Variants in MACF1 observed in about 807,000 individuals in gnomAD.
MACF1 encodes the protein microtubule actin crosslinking factor 1.
A neutral mutation model predicts 854.8 loss-of-function variants in MACF1; 193 were observed. That is an observed-to-expected ratio of 0.23 (90% CI 0.20 to 0.25). The LOEUF (loss-of-function observed/expected upper bound fraction) is 0.25. Ranked by LOEUF, MACF1 falls within the 10% of genes least tolerant of loss-of-function variation. The pLI, the probability that MACF1 is intolerant of heterozygous loss-of-function variation, is 1.00. For missense variants in MACF1, 7,722 were observed against 8,929.1 expected (o/e 0.86, Z 5.45); for synonymous variants, 3,185 against 3,226.7 (o/e 0.99, Z 0.44).
chr1:39,269,186 G>A (rs779458382), intron 6 of MACF1: 2 of 1,289,996 alleles, frequency 1.6e-6, no homozygotes, highest in Admixed American at 4.6e-5. Context: ...TGAGCCAACT[G>A]GTGGAATTTC....
At chr1:39,424,220 T>C in intron 61 of MACF1, 26 bp downstream of exon 61, 1 of 1,604,106 alleles carries the variant, frequency 6.2e-7, no homozygotes. Flanking sequence ...TTTTGAGGAG[T>C]GGGTCAGAGG....
chr1:39,284,989 G>A, intron 11 of MACF1, 94 bp from the exon 12 acceptor site: 1 of 1,496,186 alleles, frequency 6.7e-7, no homozygotes, highest in East Asian at 2.3e-5. Flanking sequence ...TGAATGGCTG[G>A]GTAAAGAAGC....
At chr1:39,410,395 A>T in intron 58 of MACF1, 1 of 1,614,066 alleles carries the variant, frequency 6.2e-7, no homozygotes, top group East Asian at 2.2e-5. Context: ...TACGATGAGG[A>T]TAAATGAGCA....
intron 6 of MACF1, among the ~76,000 whole-genome samples, chr1:39,268,044 C>G (rs1006315408): frequency 2.6e-5 from 4 of 152,218 alleles, no homozygotes; most frequent in Admixed American, 1.3e-4. Flanking sequence ...TTGATATTTT[C>G]TTTTGGGCAT....
At chr1:39,388,869 CTTCTTT>C (rs1641904979) in intron 58 of MACF1, among the ~76,000 whole-genome samples, 2 of 120,076 alleles carry the variant, frequency 1.7e-5, no homozygotes, top group African/African-American at 7.8e-5. Context: ...TCTTCTTCTT[CTTCTTT>C]TTTTTTTTTT....
intron 2 of MACF1, chr1:39,102,655 A>T (rs941717387): frequency 1.2e-5 from 8 of 648,540 alleles, no homozygotes; most frequent in Non-Finnish European, 2.2e-5. Flanking sequence ...GGAGGACACC[A>T]AGGATAAAGG....
At chr1:39,323,831 T>C (rs1314776574) in intron 33 of MACF1, among the ~76,000 whole-genome samples, 2 of 152,226 alleles carry the variant, frequency 1.3e-5, no homozygotes, top group African/African-American at 4.8e-5. Context: ...CTCAGTAGGC[T>C]TCAGTCTCTT....
chr1:39,465,028 A>G, intron 94 of MACF1, 67 bp from the exon 95 acceptor site: 1 of 1,409,822 alleles, frequency 7.1e-7, no homozygotes. Context: ...TTTAGTGTTA[A>G]TTTGACAAAA....
At chr1:39,326,680 C>CAAAAAAA (rs57108021) in intron 35 of MACF1, among the ~76,000 whole-genome samples, 1 of 72,748 alleles carries the variant, frequency 1.4e-5, no homozygotes. Context: ...GACTCCATCT[C>CAAAAAAA]AAAAAAAAAA....
intron 2 of MACF1, among the ~76,000 whole-genome samples, chr1:39,171,111 A>G (rs1439942020): frequency 6.6e-6 from 1 of 152,086 alleles, no homozygotes; most frequent in Non-Finnish European, 1.5e-5. Flanking sequence ...GTCCAACAGC[A>G]ATGAAGTCCC....
rs779181494 is a variant in MACF1, at chr1:39,333,462, T to C, written c.6874T>C (p.Leu2292=). ...TACCTTAAATGTATTATCTGCACAG[T>C]TACTAGATGGTGGTATCTTTCATGA... is the stretch of plus-strand genomic sequence containing the variant. ...EATLNVLSAQ[L]LDGGIFHEQT... Residue 2292 remains leucine (L), a synonymous_variant, in exon 37 of 101, where the codon TTA becomes CTA. Transcript: ENST00000564288. The C allele has an allele frequency of 4.3e-6, 7 of 1,614,146 alleles. No individual in the cohort carries two copies. The highest frequency in any genetic ancestry group is 5.9e-6 in the Non-Finnish European group (7 of 1,180,006).
chr1:39,466,561 C>G (rs1156270355), intron 95 of MACF1, among the ~76,000 whole-genome samples: 1 of 152,188 alleles, frequency 6.6e-6, no homozygotes, highest in Non-Finnish European at 1.5e-5. Flanking sequence ...ATACTCCCTG[C>G]CTCTCACCCA....
At chr1:39,239,575 G>C (rs1644898585) in intron 2 of MACF1, among the ~76,000 whole-genome samples, 1 of 152,172 alleles carries the variant, frequency 6.6e-6, no homozygotes, top group South Asian at 2.1e-4. Context: ...AGAAATCTAG[G>C]TTTCTAAATG....
In MACF1 at chr1:39,123,712, G is replaced by GT. The variant is rs1206815949; in HGVS notation, c.220+39278dup. On this transcript the variant is annotated intron_variant, in intron 2 of 93. Transcript: ENST00000361689. ...GTGCCACCATGCCCGGCTAATTCTTGTTTTGTTTTTTTTTTTTTTTTTTTT... is the reference window on the plus strand; with the variant it reads ...GTGCCACCATGCCCGGCTAATTCTTGTTTTTGTTTTTTTTTTTTTTTTTTTT... Among the ~76,000 whole-genome samples, 435 of 77,464 alleles carry GT rather than the reference G, an allele frequency of 5.6e-3. 14 individuals are homozygous for GT. The highest frequency in any genetic ancestry group is 9.2e-3 in the African/African-American group (183 of 19,876). 50.8% of individuals were successfully genotyped at this position (77,464 alleles called of 152,430 possible).
chr1:39,414,430 C>T (rs1421293903), intron 58 of MACF1: 1 of 1,613,906 alleles, frequency 6.2e-7, no homozygotes, highest in African/African-American at 1.3e-5. Flanking sequence ...CACAGTGCTA[C>T]ATGGGAAAGT....
In MACF1 at chr1:39,334,796, T is replaced by A. The variant is rs1190174717; in HGVS notation, c.8208T>A (p.Ser2736Arg). 6.2e-7 allele frequency: 1 copy of A among 1,614,152 alleles called. No individual in the cohort carries two copies. Among genetic ancestry groups the A allele is most frequent in the Admixed American group, 1.7e-5 (1 of 60,020 alleles). ...ATGGAGGAATTGTTGACATATTTAG[T>A]GATCAGAGAGTGACTTTAGTAGAAG... ...VLNGGIVDIF[S>R]DQRVTLVEAI... The change falls in exon 37 of 101, where the codon AGT becomes AGA. Residue 2736 changes from serine (S) to arginine (R), a missense_variant. Ser to Arg is a moderately radical substitution (Grantham distance 110). Transcript: ENST00000564288.
intron 58 of MACF1, among the ~76,000 whole-genome samples, chr1:39,419,087 G>A (rs563834769): frequency 2.1e-4 from 32 of 152,290 alleles, no homozygotes; most frequent in Non-Finnish European, 3.7e-4. Context: ...GTATCTAAAA[G>A]CACTGGTTTT....
At chr1:39,382,291 T>G in intron 56 of MACF1, 139 bp downstream of exon 56, 1 of 759,750 alleles carries the variant, frequency 1.3e-6, no homozygotes, top group African/African-American at 1.7e-5. Flanking sequence ...ATTTATAAGG[T>G]GTTAATCATG....
At position 39,084,258 on chromosome 1, in the gene MACF1, T is replaced by C. The variant is rs1453248535; in HGVS notation, c.40T>C (p.Cys14Arg). The change falls in exon 2 of 94, where the codon TGT (cysteine) becomes CGT (arginine). Residue 14 changes from cysteine to arginine, a missense_variant. Coordinates refer to the MACF1 transcript ENST00000361689. The surrounding 1 kb of genome is among the most constrained non-coding windows in gnomAD (Gnocchi z 5.2). ...TGAAGAGACGCTCAGTGAGCGGTCA[T>C]GTCGGAGTGAGCGGTCTTGTCGGAG... 1.9e-6 allele frequency: 3 copies of C among 1,612,536 alleles called. No individual in the cohort carries two copies. The highest frequency in any genetic ancestry group is 1.1e-5 in the South Asian group (1 of 91,060).
Sources: allele counts gnomAD v4.1 joint callset (sites outside exome capture counted in the v4.1 genomes callset), GRCh38; gene constraint gnomAD v4.1.1; non-coding constraint Gnocchi (gnomAD v3.1); transcripts MANE v1.5; gene names NCBI Gene and HGNC (gene_info 2026-07-23, HGNC 2026-07-21).